The following MYO1D variants were observed in gnomAD, a reference collection of about 807,000 sequenced individuals.
MYO1D encodes the protein myosin ID.
Under a neutral mutation model 122.0 loss-of-function variants are expected in MYO1D, and 83 were observed. That is an observed-to-expected ratio of 0.68 (90% confidence interval 0.57 to 0.82). The LOEUF (loss-of-function observed/expected upper bound fraction) is 0.82. MYO1D is among the 40% of genes least tolerant of loss of function. MYO1D has a pLI of 0.00. For synonymous variants in MYO1D, 464 were observed against 446.9 expected (o/e 1.04, Z -0.48); for missense variants, 1,157 against 1,269.5 (o/e 0.91, Z 1.35).
intron 13 of MYO1D, among the ~76,000 whole-genome samples, chr17:32,740,660 T>C (rs2089761712): frequency 6.6e-6 from 1 of 152,050 alleles, no homozygotes; most frequent in African/African-American, 2.4e-5. Context: ...TAATTTTTTG[T>C]AGAATGGTCT....
At chr17:32,708,302 G>A (rs1482291215) in intron 16 of MYO1D, among the ~76,000 whole-genome samples, 1 of 152,124 alleles carries the variant, frequency 6.6e-6, no homozygotes, top group Non-Finnish European at 1.5e-5. Flanking sequence ...ATATCAAAAA[G>A]GATGGCCACC....
In MYO1D at chr17:32,719,772, CCT is replaced by C. The variant is rs1356654342; in HGVS notation, c.1913+1249_1913+1250del. ...TTGTTTCTTTGTTTTTTAAATCACGCCTAGCCAAAATCTAAATAGTTTAGTCT... is the reference window on the plus strand; with the variant it reads ...TTGTTTCTTTGTTTTTTAAATCACGCAGCCAAAATCTAAATAGTTTAGTCT... On this transcript the variant is annotated intron_variant, in intron 15 of 21. Transcript: ENST00000318217. Among the ~76,000 whole-genome samples the C allele has an allele frequency of 5.3e-5, 8 of 152,280 alleles. No individual in the cohort carries two copies. In the South Asian group the frequency reaches 1.2e-3, roughly 24 times the overall value.
At chr17:32,646,822 A>G (rs2088301505) in intron 19 of MYO1D, among the ~76,000 whole-genome samples, 1 of 152,212 alleles carries the variant, frequency 6.6e-6, no homozygotes, top group Admixed American at 6.5e-5. Context: ...GAAGGACATC[A>G]GGTAACAAAG....
intron 13 of MYO1D, among the ~76,000 whole-genome samples, chr17:32,744,131 T>A (rs1276512179): frequency 6.6e-6 from 1 of 152,184 alleles, no homozygotes; most frequent in Non-Finnish European, 1.5e-5. Context: ...CTAAAGTCAC[T>A]CTTTCCATCC....
chr17:32,874,315 T>TCTGTGTCTCTGTCTCTCTCTC (rs56308141), intron 1 of MYO1D, among the ~76,000 whole-genome samples: 1 of 151,762 alleles, frequency 6.6e-6, no homozygotes, highest in African/African-American at 2.4e-5. Flanking sequence ...TCTCTCTCTC[T>TCTGTGTCTCTGTCTCTCTCTC]TTGTGTCTCT....
intron 21 of MYO1D, among the ~76,000 whole-genome samples, chr17:32,563,992 A>G (rs2087149965): frequency 6.6e-6 from 1 of 152,276 alleles, no homozygotes; most frequent in Admixed American, 6.5e-5. Context: ...TCGATCCATC[A>G]ATTGATTAAA....
intron 1 of MYO1D, among the ~76,000 whole-genome samples, chr17:32,798,320 G>T (rs974750709): frequency 1.3e-5 from 2 of 152,164 alleles, no homozygotes; most frequent in African/African-American, 4.8e-5. Flanking sequence ...CATCCATAAG[G>T]CTGCATTTCC....
intron 1 of MYO1D, among the ~76,000 whole-genome samples, chr17:32,791,181 T>C (rs2090346747): frequency 6.6e-6 from 1 of 152,048 alleles, no homozygotes; most frequent in Non-Finnish European, 1.5e-5. Context: ...CTGGCCAACA[T>C]GGTGAAACCC....
At chr17:32,517,032 G>A (rs1389194630) in intron 21 of MYO1D, among the ~76,000 whole-genome samples, 2 of 151,072 alleles carry the variant, frequency 1.3e-5, no homozygotes, top group Non-Finnish European at 2.9e-5. Context: ...CAATAAAAAC[G>A]ACACCACTGC....
chr17:32,508,148 GC>G (rs1481877737), intron 21 of MYO1D, among the ~76,000 whole-genome samples: 14 of 151,150 alleles, frequency 9.3e-5, no homozygotes, highest in Non-Finnish European at 1.5e-4. Flanking sequence ...GCCCGCCTTG[GC>G]CTCCCAAAGT....
In MYO1D at chr17:32,703,471, G is replaced by A. The variant is rs114115195; in HGVS notation, c.2121+8517C>T. Among the ~76,000 whole-genome samples, 733 of 150,838 alleles carry A rather than the reference G, an allele frequency of 4.9e-3. 10 individuals carry two copies. The highest frequency in any genetic ancestry group is 0.014 in the African/African-American group (587 of 41,104). The stretch of plus-strand genomic sequence containing the variant: ...TGCTTGTTTTTTTTTTTTGAGATAG[G>A]GGTCTTGCTATATTGCCAAGGGTGG... On this transcript the variant is annotated intron_variant, in intron 16 of 21. Coordinates refer to ENST00000318217, the MANE Select transcript of MYO1D (RefSeq NM_015194.3).
intron 1 of MYO1D, among the ~76,000 whole-genome samples, chr17:32,838,488 A>C (rs1358572482): frequency 6.6e-6 from 1 of 152,180 alleles, no homozygotes; most frequent in African/African-American, 2.4e-5. Context: ...AGACATAGTG[A>C]CTAGATAGTC....
chr17:32,822,585 C>A (rs1357657298), intron 1 of MYO1D, among the ~76,000 whole-genome samples: 1 of 148,614 alleles, frequency 6.7e-6, no homozygotes, highest in Non-Finnish European at 1.5e-5. Context: ...GTGGGAACCG[C>A]GGAGGCGGCC....
At chr17:32,795,918 C>G (rs989233691) in intron 1 of MYO1D, among the ~76,000 whole-genome samples, 12 of 152,024 alleles carry the variant, frequency 7.9e-5, no homozygotes, top group African/African-American at 2.9e-4. Flanking sequence ...CGCCTGCACC[C>G]AGGTGCTCAT....
intron 20 of MYO1D, among the ~76,000 whole-genome samples, chr17:32,619,204 G>A (rs946473153): frequency 1.3e-5 from 2 of 152,142 alleles, no homozygotes; most frequent in Non-Finnish European, 2.9e-5. Flanking sequence ...AAATCTCTGA[G>A]TCTTCCTATA....
At chr17:32,543,022 C>T (rs930424467) in intron 21 of MYO1D, among the ~76,000 whole-genome samples, 17 of 152,146 alleles carry the variant, frequency 1.1e-4, no homozygotes, top group Admixed American at 3.3e-4. Context: ...GTCAGGAGAT[C>T]GAGACCATCC....
At chr17:32,582,201 C>T (rs147194682) in intron 21 of MYO1D, among the ~76,000 whole-genome samples, 11 of 152,300 alleles carry the variant, frequency 7.2e-5, no homozygotes, top group African/African-American at 2.4e-4. Context: ...AGGCATGAGC[C>T]ACCCATGCCT....
At chr17:32,813,696 G>A (rs1362936) in intron 1 of MYO1D, among the ~76,000 whole-genome samples, 22 of 152,040 alleles carry the variant, frequency 1.4e-4, no homozygotes, top group African/African-American at 5.3e-4. Context: ...GATGATGCAA[G>A]GGCCTTCCAA....
chr17:32,733,169 C>A (rs148881232), intron 14 of MYO1D, among the ~76,000 whole-genome samples: 3 of 152,216 alleles, frequency 2.0e-5, no homozygotes, highest in East Asian at 1.9e-4. Context: ...GTGCAGCCTG[C>A]GAGGCTGAGT....
Sources: gnomAD v4.1 joint callset for allele counts (sites outside exome capture counted in the v4.1 genomes callset) on GRCh38, gnomAD v4.1.1 for gene constraint, MANE v1.5 for transcripts, NCBI Gene and HGNC (gene_info 2026-07-23, HGNC 2026-07-21) for gene names.